TSN: variants seen among roughly 807,000 people sequenced by gnomAD.
TSN encodes the protein translin.
Under a neutral mutation model 29.4 loss-of-function variants are expected in TSN, and 5 were observed. The observed-to-expected ratio is 0.17, with a 90% CI of 0.09 to 0.36. The LOEUF (loss-of-function observed/expected upper bound fraction) is 0.36. TSN is among the 10% of genes least tolerant of loss of function. TSN has a pLI of 1.00. For missense variants in TSN, 159 were observed against 272.8 expected, an observed-to-expected ratio of 0.58 and a Z score of 2.94; for synonymous variants, 106 against 102.2, an observed-to-expected ratio of 1.04 and a Z score of -0.23.
intron 2 of TSN, 79 bp from the exon 3 acceptor site, chr2:121,758,631 A>C (rs1273848326): frequency 9.3e-7 from 1 of 1,076,012 alleles, no homozygotes; most frequent in South Asian, 2.2e-5. Context: ...TAATTTCCAG[A>C]TAGATTACTT....
At position 121,767,815 on chromosome 2, in the gene TSN, C is replaced by T. The variant is rs541619490; in HGVS notation, c.*2448C>T. 3 of 152,176 alleles carry T rather than the reference C, an allele frequency of 2.0e-5. No individual in the cohort carries two copies. Among genetic ancestry groups the T allele is most frequent in the Middle Eastern group, 3.4e-3 (1 of 294 alleles). 9.4% of individuals were successfully genotyped at this position (152,176 alleles called of 1,614,324 possible). On this transcript the variant is annotated 3_prime_UTR_variant, in exon 6 of 6. Transcript: ENST00000389682. ...TGGCATAGTTTCATAATTGTGTACT[C>T]GGAAATTAAAGTTTGCTTGTTTCTT...
At position 121,764,326 on chromosome 2, in the gene TSN, C is replaced by T. The variant is rs374951202; in HGVS notation, c.454-808C>T. Among the ~76,000 whole-genome samples the T allele has an allele frequency of 4.6e-5, 7 of 152,038 alleles. No homozygotes were observed. In the East Asian group the frequency reaches 7.7e-4, roughly 17 times the overall value. On this transcript the variant is annotated intron_variant, in intron 5 of 5. Coordinates refer to ENST00000389682, the MANE Select transcript of TSN (RefSeq NM_004622.3). The stretch of plus-strand genomic sequence containing the variant: ...TCTTTAGGACCATACATGTTGGGGC[C>T]GGGCACAGTCGCTTACGCTTGTAAT...
chr2:121,761,528 AGT>A lies in TSN; in HGVS notation c.373+7_373+8del. 1 of 1,607,826 alleles carries A rather than the reference AGT, an allele frequency of 6.2e-7. No individual in the cohort carries two copies. Among genetic ancestry groups the A allele is most frequent in the Non-Finnish European group, 8.5e-7 (1 of 1,174,224 alleles). ...GCAGTTACAGAAATTCTTGGCAGTA[AGT>A]GTCTTTATTAGTGGGATCTGCAGAA... On this transcript the variant is annotated splice_donor_5th_base_variant and intron_variant, in intron 4 of 5. Transcript: ENST00000389682.
At chr2:121,757,679 G>A (rs1169972963) in intron 2 of TSN, 4 of 219,392 alleles carry the variant, frequency 1.8e-5, no homozygotes, top group Non-Finnish European at 2.7e-5. Context: ...TTTCTGAGAC[G>A]GAGTTTCACT....
In TSN at chr2:121,761,487, A is replaced by G. The variant is rs1315158549; in HGVS notation, c.336A>G (p.Thr112=). 1 of 1,614,184 alleles carries G rather than the reference A, an allele frequency of 6.2e-7. No individual in the cohort carries two copies. The highest frequency in any genetic ancestry group is 2.2e-5 in the East Asian group (1 of 44,876). ...AAFVVYLETE[T]LVTREAVTEI... is the part of the protein sequence containing the mutation. ...TTGTTGTGTATTTGGAAACAGAAACACTAGTGACTCGAGAAGCAGTTACAG... is the reference window on the plus strand; with the variant it reads ...TTGTTGTGTATTTGGAAACAGAAACGCTAGTGACTCGAGAAGCAGTTACAG... Residue 112 remains threonine, a synonymous_variant, in exon 4 of 6, where the codon ACA becomes ACG. Coordinates refer to ENST00000389682, the MANE Select transcript of TSN (RefSeq NM_004622.3).
At position 121,762,293 on chromosome 2, in the gene TSN, A is replaced by AT. The variant is rs1014460974; in HGVS notation, c.374-706dup. On this transcript the variant is annotated intron_variant, in intron 4 of 5. Coordinates refer to ENST00000389682, the MANE Select transcript of TSN (RefSeq NM_004622.3). ...AGGCGTGAGTGACCGCACTCAGCCAATTTTTTGTATTTTTTTAGTAGAAAC... is the reference window on the plus strand; with the variant it reads ...AGGCGTGAGTGACCGCACTCAGCCAATTTTTTTGTATTTTTTTAGTAGAAAC... 5.3e-5 allele frequency among the ~76,000 whole-genome samples: 8 copies of AT among 151,420 alleles called. No individual in the cohort carries two copies. The East Asian group carries it at 9.7e-4, about 18-fold the overall frequency.
chr2:121,760,075 C>T (rs1194452127), intron 3 of TSN, among the ~76,000 whole-genome samples: 1 of 152,204 alleles, frequency 6.6e-6, no homozygotes, highest in East Asian at 1.9e-4. Context: ...CTGGGATGCA[C>T]AGAAGGAGGT....
rs28384431 is a variant in TSN, at chr2:121,755,698, C to G, written c.-82C>G. The G allele has an allele frequency of 6.4e-7, 1 of 1,568,498 alleles. No individual in the cohort carries two copies. Among genetic ancestry groups the G allele is most frequent in the Non-Finnish European group, 8.7e-7 (1 of 1,150,540 alleles). ...GACGCGGCGGTAGCGGCGGCCGTTGCGATTGATTGCGCTGGTTGCCTGCGG... is the reference window on the plus strand; with the variant it reads ...GACGCGGCGGTAGCGGCGGCCGTTGGGATTGATTGCGCTGGTTGCCTGCGG... On this transcript the variant is annotated 5_prime_UTR_variant, in exon 1 of 6. Coordinates refer to ENST00000389682, the MANE Select transcript of TSN (RefSeq NM_004622.3).
At chr2:121,761,029 C>G (rs980200046) in intron 3 of TSN, among the ~76,000 whole-genome samples, 8 of 152,066 alleles carry the variant, frequency 5.3e-5, no homozygotes, top group Non-Finnish European at 8.8e-5. Flanking sequence ...GCCACCACGC[C>G]TGGCTAATTT....
chr2:121,757,262 G>A lies in TSN; in HGVS notation c.89G>A (p.Ser30Asn). Reference protein sequence around the residue: ...IREEIRKVVQSLEQTAREILT... With the variant: ...IREEIRKVVQNLEQTAREILT... The stretch of plus-strand genomic sequence containing the variant: ...TAGGAAATCAGAAAAGTTGTACAGA[G>A]TTTAGAACAAACAGCTCGAGAGATT... The change falls in exon 2 of 6, where the codon AGT becomes AAT. Residue 30 changes from serine to asparagine, a missense_variant. Physicochemically the swap from Ser to Asn is conservative, Grantham distance 46. Coordinates refer to ENST00000389682, the MANE Select transcript of TSN (RefSeq NM_004622.3). The A allele has an allele frequency of 6.2e-7, 1 of 1,614,102 alleles. No homozygotes were observed. The highest frequency in any genetic ancestry group is 1.3e-5 in the African/African-American group (1 of 75,048).
intron 1 of TSN, chr2:121,756,385 C>T: frequency 4.2e-6 from 1 of 238,072 alleles, no homozygotes; most frequent in Non-Finnish European, 9.2e-6. Flanking sequence ...CGTTCTTTTC[C>T]TGATTGTCTC....
intron 1 of TSN, chr2:121,756,471 T>A (rs1396716457): frequency 1.9e-5 from 5 of 268,452 alleles, no homozygotes; most frequent in Non-Finnish European, 3.9e-5. Context: ...TAACTTTTTT[T>A]AATGTGTGTA....
At chr2:121,755,876 C>T (rs1169945187) in intron 1 of TSN, 31 bp downstream of exon 1, 3 of 1,613,494 alleles carry the variant, frequency 1.9e-6, no homozygotes, top group South Asian at 2.2e-5. Context: ...ATTCCCTTTG[C>T]CTTTCCATGC....
intron 4 of TSN, among the ~76,000 whole-genome samples, chr2:121,762,279 A>G (rs1291125498): frequency 6.6e-6 from 1 of 152,108 alleles, no homozygotes; most frequent in Non-Finnish European, 1.5e-5. Flanking sequence ...GGCGTGAGTG[A>G]CCGCACTCAG....
chr2:121,764,343 G>A (rs552695446), intron 5 of TSN, among the ~76,000 whole-genome samples: 4 of 152,070 alleles, frequency 2.6e-5, no homozygotes, highest in Admixed American at 6.6e-5. Flanking sequence ...AGTCGCTTAC[G>A]CTTGTAATGC....
At chr2:121,756,696 G>A in intron 1 of TSN, 2 of 1,212,886 alleles carry the variant, frequency 1.6e-6, no homozygotes, top group Non-Finnish European at 2.2e-6. Context: ...CCTGAGGTAA[G>A]GAGTTTGAGA....
chr2:121,762,451 T>C (rs17006797), intron 4 of TSN, among the ~76,000 whole-genome samples: 5,775 of 152,244 alleles, frequency 0.038, 213 homozygotes, highest in South Asian at 0.098. Flanking sequence ...TTTCTATCCA[T>C]AGTTGGTTAG....
intron 5 of TSN, among the ~76,000 whole-genome samples, chr2:121,763,829 A>G (rs1160400618): frequency 6.6e-6 from 1 of 152,236 alleles, no homozygotes; most frequent in African/African-American, 2.4e-5. Context: ...GTTGTGATAG[A>G]GACTGTGCCA....
chr2:121,758,654 A>G, intron 2 of TSN, 56 bp from the exon 3 acceptor site: 1 of 1,315,182 alleles, frequency 7.6e-7, no homozygotes, highest in Middle Eastern at 1.9e-4. Flanking sequence ...ATTATTAAGC[A>G]AGAACTGTAT....
Sources: allele counts gnomAD v4.1 joint callset (sites outside exome capture counted in the v4.1 genomes callset), GRCh38; gene constraint gnomAD v4.1.1; transcripts MANE v1.5; gene names NCBI Gene and HGNC (gene_info 2026-07-23, HGNC 2026-07-21).